FBXO30: variants seen among roughly 807,000 people sequenced by gnomAD.
FBXO30 encodes the protein F-box only protein 30.
Under a neutral mutation model 58.1 loss-of-function variants are expected in FBXO30, and 21 were observed. That is an observed-to-expected ratio of 0.36 (90% confidence interval 0.26 to 0.52). The LOEUF (loss-of-function observed/expected upper bound fraction) is 0.52, where lower values mean the gene tolerates loss of function less well. FBXO30 is among the 20% of genes least tolerant of loss of function. The pLI is 0.93. For missense variants in FBXO30, 744 were observed against 897.3 expected, an observed-to-expected ratio of 0.83 and a Z score of 2.18; for synonymous variants, 309 against 312.4, an observed-to-expected ratio of 0.99 and a Z score of 0.11.
rs781296462 is a variant in FBXO30 at position 145,805,168 on chromosome 6, A to G, written c.1238T>C (p.Val413Ala). ...TTGGAGGCCCATAGGATCTTCTGCA[A>G]CTTCCAAATCTGATGTATCTACTGC... The part of the protein sequence containing the change: ...DKAVDTSDLE[V>A]AEDPMGLQGI... The change falls in exon 2 of 3, where the codon GTT becomes GCT. Residue 413 changes from valine (V) to alanine (A), a missense_variant. By Grantham distance (64) the Val-to-Ala change is moderately conservative (BLOSUM62 0). Transcript: ENST00000237281. 6.2e-7 allele frequency: 1 copy of G among 1,614,104 alleles called. No homozygotes were observed. Among genetic ancestry groups the G allele is most frequent in the South Asian group, 1.1e-5 (1 of 91,078 alleles).
At chr6:145,806,647 G>A (rs558549136) in intron 1 of FBXO30, among the ~76,000 whole-genome samples, 55 of 152,042 alleles carry the variant, frequency 3.6e-4, no homozygotes, top group African/African-American at 4.8e-4. Flanking sequence ...ATGTCATAAC[G>A]GTTCATTTTT....
At position 145,805,549 on chromosome 6, in the gene FBXO30, C is replaced by G; in HGVS notation, c.857G>C (p.Gly286Ala). 6.2e-7 allele frequency: 1 copy of G among 1,608,462 alleles called. No homozygotes were observed. Among genetic ancestry groups the G allele is most frequent in the Non-Finnish European group, 8.5e-7 (1 of 1,177,856 alleles). The change falls in exon 2 of 3, where the codon GGC becomes GCC. Residue 286 changes from glycine (G) to alanine (A), a missense_variant. Gly to Ala is a moderately conservative substitution (Grantham distance 60, BLOSUM62 0). Transcript: ENST00000237281. Reference protein sequence around the residue: ...SSYDTSALCNGFPLENICTQV... With the variant: ...SSYDTSALCNAFPLENICTQV... ...GGTACATATATTTTCCAAAGGAAAG[C>G]CATTACAAAGAGCAGAAGTGTCATA... is the stretch of plus-strand genomic sequence containing the variant.
Position 145,804,780 on chromosome 6 carries a change from G to C in FBXO30, c.1626C>G (p.Asp542Glu). The C allele has an allele frequency of 1.2e-6, 2 of 1,613,966 alleles. No individual in the cohort carries two copies. The highest frequency in any genetic ancestry group is 1.7e-6 in the Non-Finnish European group (2 of 1,179,908). Residue 542 changes from aspartate (D) to glutamate (E), a missense_variant, in exon 2 of 3, where the codon GAC (aspartate) becomes GAG (glutamate). Transcript: ENST00000237281. ...TCCAGCCATTGAGTCCAGCATGAAT[G>C]TCACCATGCACATTCTTAAAGTGGG... Reference protein sequence around the residue: ...FSSHFKNVHGDIHAGLNGWME... With the variant: ...FSSHFKNVHGEIHAGLNGWME...
rs1777924115 is a variant in FBXO30 at position 145,799,131 on chromosome 6, A to G, written c.*975T>C. 6.6e-6 allele frequency: 1 copy of G among 152,076 alleles called. No individual in the cohort carries two copies. Among genetic ancestry groups the G allele is most frequent in the Non-Finnish European group, 1.5e-5 (1 of 67,956 alleles). 9.4% of individuals were successfully genotyped at this position (152,076 alleles called of 1,614,324 possible). A position where few individuals can be genotyped will look rare whatever the true frequency, so the allele number is the denominator to read the frequency against. On this transcript the variant is annotated 3_prime_UTR_variant, in exon 3 of 3. Transcript: ENST00000237281. ...TTTCAAAGAGATTGTCAACCAAGAC[A>G]GGTTTCTACATGATTGTCATTTTAC...
chr6:145,811,664 G>T (rs989071674), intron 1 of FBXO30, among the ~76,000 whole-genome samples: 1 of 152,196 alleles, frequency 6.6e-6, no homozygotes, highest in Non-Finnish European at 1.5e-5. Context: ...AGTGAGAAAA[G>T]TAAGTTTAAA....
intron 1 of FBXO30, among the ~76,000 whole-genome samples, chr6:145,807,031 G>C (rs902644994): frequency 3.9e-5 from 6 of 152,112 alleles, no homozygotes; most frequent in African/African-American, 1.4e-4. Context: ...AATTTATCCA[G>C]AAAATAAAAG....
rs150961850 is a variant in FBXO30 at position 145,805,297 on chromosome 6, A to G, written c.1109T>C (p.Val370Ala). Residue 370 changes from valine (V) to alanine (A), a missense_variant, in exon 2 of 3, where the codon GTA (valine) becomes GCA (alanine). Val to Ala is a moderately conservative substitution (Grantham distance 64). Transcript: ENST00000237281. ...CACATTCTTCACGTCCCCTAAGTCTACTTTTTTCCAACACAATTCACCTTC... is the reference window on the plus strand; with the variant it reads ...CACATTCTTCACGTCCCCTAAGTCTGCTTTTTTCCAACACAATTCACCTTC... ...EGEGELCWKK[V>A]DLGDVKNVDV... 27 of 1,614,100 alleles carry G rather than the reference A, an allele frequency of 1.7e-5. No homozygotes were observed. In the African/African-American group the frequency reaches 3.6e-4, roughly 22 times the overall value.
Position 145,797,647 on chromosome 6 carries a change from G to A in FBXO30, c.*2459C>T, listed in dbSNP as rs1297038838. The A allele has an allele frequency of 6.6e-6, 1 of 152,016 alleles. No individual in the cohort carries two copies. Among genetic ancestry groups the A allele is most frequent in the African/African-American group, 2.4e-5 (1 of 41,406 alleles). 9.4% of individuals were successfully genotyped at this position (152,016 alleles called of 1,614,324 possible). On this transcript the variant is annotated 3_prime_UTR_variant, in exon 3 of 3. Transcript: ENST00000237281. ...TTTAGGAACCACTGCTGTAAGATCTGTGAGTCTCAAAATCTAGAAAAAAGA... is the reference window on the plus strand; with the variant it reads ...TTTAGGAACCACTGCTGTAAGATCTATGAGTCTCAAAATCTAGAAAAAAGA...
chr6:145,804,498 G>A lies in FBXO30; in HGVS notation c.1908C>T (p.Leu636=), dbSNP rs145948993. 6.2e-7 allele frequency: 1 copy of A among 1,613,714 alleles called. No individual in the cohort carries two copies. Among genetic ancestry groups the A allele is most frequent in the Non-Finnish European group, 8.5e-7 (1 of 1,179,790 alleles). ...CCCTCATTAACTTGGATACACATGA[G>A]AGCTGACATAAGCTGAAGCCATCGA... is the stretch of plus-strand genomic sequence containing the variant. ...GFLDGFSLCQ[L]SCVSKLMRDV... is the part of the protein sequence containing the mutation. Residue 636 remains leucine, a synonymous_variant, in exon 2 of 3, where the codon CTC becomes CTT. Coordinates refer to ENST00000237281, the MANE Select transcript of FBXO30 (RefSeq NM_032145.5).
intron 2 of FBXO30, among the ~76,000 whole-genome samples, chr6:145,803,220 A>T (rs1250981264): frequency 6.6e-6 from 1 of 152,144 alleles, no homozygotes; most frequent in Admixed American, 6.6e-5. Flanking sequence ...AGATAAAAAG[A>T]GGCCATACTA....
At chr6:145,809,147 T>C (rs189880232) in intron 1 of FBXO30, among the ~76,000 whole-genome samples, 2 of 152,330 alleles carry the variant, frequency 1.3e-5, no homozygotes, top group East Asian at 3.9e-4. Flanking sequence ...GACATAAGTA[T>C]AGAAATATAT....
chr6:145,806,300 C>G lies in FBXO30; in HGVS notation c.106G>C (p.Val36Leu), dbSNP rs762404752. The G allele has an allele frequency of 1.2e-6, 2 of 1,613,992 alleles. No homozygotes were observed. The highest frequency in any genetic ancestry group is 1.7e-6 in the Non-Finnish European group (2 of 1,179,964). The change falls in exon 2 of 3, where the codon GTT becomes CTT. Residue 36 changes from valine to leucine, a missense_variant. Physicochemically the swap from Val to Leu is conservative, Grantham distance 32. Coordinates refer to ENST00000237281, the MANE Select transcript of FBXO30 (RefSeq NM_032145.5). Reference sequence around the variant, plus strand: ...CAAGAATGGAAAACTGCACCACAAACCAATGGACAACCAATCAAATCACAG... The same window carrying G: ...CAAGAATGGAAAACTGCACCACAAAGCAATGGACAACCAATCAAATCACAG... ...ISCDLIGCPL[V>L]CGAVFHSCKA...
At chr6:145,808,367 A>G (rs1778241825) in intron 1 of FBXO30, among the ~76,000 whole-genome samples, 1 of 152,042 alleles carries the variant, frequency 6.6e-6, no homozygotes, top group Non-Finnish European at 1.5e-5. Flanking sequence ...TCTAGACCCC[A>G]TCTTCCTTGG....
rs1583194457 is a variant in FBXO30, at chr6:145,804,239, A to G, written c.2034+133T>C. 11 of 731,956 alleles carry G rather than the reference A, an allele frequency of 1.5e-5. No individual in the cohort carries two copies. In the East Asian group the frequency reaches 3.0e-4, roughly 20 times the overall value. 45.3% of individuals were successfully genotyped at this position (731,956 alleles called of 1,614,324 possible). On this transcript the variant is annotated intron_variant, in intron 2 of 2. Coordinates refer to ENST00000237281, the MANE Select transcript of FBXO30 (RefSeq NM_032145.5). ...TCATTATTAATTACCATTAAGAAAA[A>G]GTCTGTCATCACACTGATTTAGTAA...
At chr6:145,808,484 T>C (rs1179743582) in intron 1 of FBXO30, among the ~76,000 whole-genome samples, 1 of 152,094 alleles carries the variant, frequency 6.6e-6, no homozygotes, top group African/African-American at 2.4e-5. Context: ...TTCTTAACTA[T>C]TACTCAATAA....
Position 145,793,608 on chromosome 6 carries a change from C to T in FBXO30, c.*6498G>A, listed in dbSNP as rs911770743. The T allele has an allele frequency of 6.6e-5, 10 of 151,716 alleles. 2 individuals carry two copies. The highest frequency in any genetic ancestry group is 6.6e-4 in the Admixed American group (10 of 15,238). The allele number at this position is 151,716 out of a possible 1,614,324, so 9.4% of individuals were successfully genotyped here. On this transcript the variant is annotated 3_prime_UTR_variant, in exon 3 of 3. Transcript: ENST00000237281. Reference sequence around the variant, plus strand: ...ATAAAAAAAAACCTTGAAAATTATACAAATTTTTTTCAAAGCATGGTTTTA... The same window carrying T: ...ATAAAAAAAAACCTTGAAAATTATATAAATTTTTTTCAAAGCATGGTTTTA...
rs1295570289 is a variant in FBXO30 at position 145,800,186 on chromosome 6, G to A, written c.2158C>T (p.Pro720Ser). The A allele has an allele frequency of 9.9e-6, 16 of 1,613,016 alleles. No homozygotes were observed. Among genetic ancestry groups the A allele is most frequent in the Non-Finnish European group, 1.4e-5 (16 of 1,179,300 alleles). Residue 720 changes from proline (P) to serine (S), a missense_variant, in exon 3 of 3, where the codon CCT (proline) becomes TCT (serine). By Grantham distance (74) the Pro-to-Ser change is moderately conservative. Around this residue, in one of 3 missense-constraint regions of FBXO30, gnomAD observed 334 missense variants for 433.7 expected, o/e 0.77. Transcript: ENST00000237281. ...CGTGTCACACACATACATGGCAAAGGGATTGCTTCCTCCCGTTTCTCGACA... is the reference window on the plus strand; with the variant it reads ...CGTGTCACACACATACATGGCAAAGAGATTGCTTCCTCCCGTTTCTCGACA... The part of the protein sequence containing the change: ...NVVEKREEAI[P>S]LPCMCVTREL...
rs1171436572 is a variant in FBXO30, at chr6:145,804,478, A to G, written c.1928T>C (p.Met643Thr). ...LCQLSCVSKL[M>T]RDVCGSLLQS... Reference sequence around the variant, plus strand: ...AAGCAGGCTGCCACACACATCCCTCATTAACTTGGATACACATGAGAGCTG... The same window carrying G: ...AAGCAGGCTGCCACACACATCCCTCGTTAACTTGGATACACATGAGAGCTG... Residue 643 changes from methionine to threonine, a missense_variant, in exon 2 of 3, where the codon ATG (methionine) becomes ACG (threonine). Met to Thr is a moderately conservative substitution (Grantham distance 81). This residue lies in a region of FBXO30 where 334 missense variants were observed against 433.7 expected (regional missense o/e 0.77). Transcript: ENST00000237281. 6.2e-7 allele frequency: 1 copy of G among 1,613,700 alleles called. No homozygotes were observed. The highest frequency in any genetic ancestry group is 8.5e-7 in the Non-Finnish European group (1 of 1,179,776).
rs1291783419 is a variant in FBXO30 at position 145,805,319 on chromosome 6, C to T, written c.1087G>A (p.Gly363Ser). 1 of 1,613,908 alleles carries T rather than the reference C, an allele frequency of 6.2e-7. No homozygotes were observed. The highest frequency in any genetic ancestry group is 8.5e-7 in the Non-Finnish European group (1 of 1,179,928). ...HILMPDDEGEGELCWKKVDLG... is the reference protein window; with the variant it reads ...HILMPDDEGESELCWKKVDLG... ...TCTACTTTTTTCCAACACAATTCAC[C>T]TTCACCTTCATCATCTGGCATGAGG... The change falls in exon 2 of 3, where the codon GGT (glycine) becomes AGT (serine). Residue 363 changes from glycine to serine, a missense_variant. Around this residue, in one of 3 missense-constraint regions of FBXO30, gnomAD observed 275 missense variants for 262.0 expected, o/e 1.05. Transcript: ENST00000237281.
Sources: allele counts gnomAD v4.1 joint callset (sites outside exome capture counted in the v4.1 genomes callset), GRCh38; gene constraint gnomAD v4.1.1; regional missense constraint gnomAD v4.1.1; transcripts MANE v1.5; gene names NCBI Gene and HGNC (gene_info 2026-07-23, HGNC 2026-07-21).